The following NBEAL2 variants were observed in gnomAD, a reference collection of about 807,000 sequenced individuals.
NBEAL2 encodes neurobeachin like 2.
NBEAL2 carries 160 observed loss-of-function variants against 299.8 expected under a neutral mutation model. The ratio of observed to expected loss-of-function variants is 0.53; its 90% CI spans 0.47 to 0.61. The LOEUF (loss-of-function observed/expected upper bound fraction) is 0.61, where lower values mean the gene tolerates loss of function less well. Ranked by LOEUF, NBEAL2 falls within the 20% of genes least tolerant of loss-of-function variation. The pLI is 0.00. For synonymous variants in NBEAL2, 1,493 were observed against 1,542.3 expected (o/e 0.97, Z 0.75); for missense variants, 3,112 against 3,649.0 (o/e 0.85, Z 3.79).
intron 1 of NBEAL2, among the ~76,000 whole-genome samples, chr3:46,986,303 C>T (rs919492241): frequency 6.6e-6 from 1 of 152,136 alleles, no homozygotes; most frequent in East Asian, 1.9e-4. Context: ...GGGACCCACC[C>T]CTGTGCTGGG....
Position 46,998,956 on chromosome 3 carries a change from C to G in NBEAL2, c.3385-3C>G. 6.2e-7 allele frequency: 1 copy of G among 1,605,964 alleles called. No individual in the cohort carries two copies. Among genetic ancestry groups the G allele is most frequent in the Non-Finnish European group, 8.5e-7 (1 of 1,176,434 alleles). Reference sequence around the variant, plus strand: ...GACACAGTGTGAGACCCTGCATCCCCAGGCGGTGGGTGCGCTGGACCTGCT... The same window carrying G: ...GACACAGTGTGAGACCCTGCATCCCGAGGCGGTGGGTGCGCTGGACCTGCT... On this transcript the variant is annotated splice_region_variant and splice_polypyrimidine_tract_variant and intron_variant, in intron 23 of 53. Coordinates refer to ENST00000450053, the MANE Select transcript of NBEAL2 (RefSeq NM_015175.3).
chr3:46,998,165 C>T lies in NBEAL2; in HGVS notation c.3057C>T (p.Leu1019=). 6.2e-7 allele frequency: 1 copy of T among 1,607,636 alleles called. No homozygotes were observed. The highest frequency in any genetic ancestry group is 1.1e-5 in the South Asian group (1 of 89,786). The change falls in exon 21 of 54, where the codon CTC becomes CTT. Residue 1019 remains leucine (L), a synonymous_variant. Transcript: ENST00000450053. The stretch of plus-strand genomic sequence containing the variant: ...GCAGCGGGCCCCTCCTGTACCTACT[C>T]TACCAGCATTTGCTCTTCAACTTTC... ...AEGSGPLLYL[L]YQHLLFNFHL...
At chr3:46,993,227 G>A (rs575266065) in intron 10 of NBEAL2, among the ~76,000 whole-genome samples, 149 of 152,350 alleles carry the variant, frequency 9.8e-4, no homozygotes, top group African/African-American at 3.1e-3. Flanking sequence ...TACAGATGAG[G>A]ACACTGAGGC....
Position 47,004,370 on chromosome 3 carries a change from C to T in NBEAL2, c.6175C>T (p.Leu2059=). ...YLSSRSPQEM[L]RASGLTQKWV... ...AAGCAGCCGCTCCCCCCAGGAGATGCTGCGTGCCTCAGGCCTTACCCAGGT... is the reference window on the plus strand; with the variant it reads ...AAGCAGCCGCTCCCCCCAGGAGATGTTGCGTGCCTCAGGCCTTACCCAGGT... The change falls in exon 37 of 54, where the codon CTG becomes TTG. Residue 2059 remains leucine (L), a synonymous_variant. Transcript: ENST00000450053. The surrounding 1 kb of genome is among the most constrained non-coding windows in gnomAD (Gnocchi z 5.0). The T allele has an allele frequency of 6.3e-7, 1 of 1,596,494 alleles. No individual in the cohort carries two copies. The highest frequency in any genetic ancestry group is 8.5e-7 in the Non-Finnish European group (1 of 1,169,654).
chr3:47,000,598 A>G lies in NBEAL2; in HGVS notation c.4305+194A>G, dbSNP rs2036901730. Among the ~76,000 whole-genome samples the G allele has an allele frequency of 6.6e-6, 1 of 152,148 alleles. No individual in the cohort carries two copies. The highest frequency in any genetic ancestry group is 6.5e-5 in the Admixed American group (1 of 15,282). ...CCCAGAGGGCTCCTGGAACAGGGTG[A>G]GTCATGATGAGCCACAGTGGGTGAC... is the stretch of plus-strand genomic sequence containing the variant. On this transcript the variant is annotated intron_variant, in intron 27 of 53. Coordinates refer to ENST00000450053, the MANE Select transcript of NBEAL2 (RefSeq NM_015175.3). The surrounding 1 kb of genome is among the most constrained non-coding windows in gnomAD (Gnocchi z 4.5).
chr3:46,980,375 G>A (rs1380966251), intron 1 of NBEAL2, among the ~76,000 whole-genome samples: 1 of 152,148 alleles, frequency 6.6e-6, no homozygotes, highest in East Asian at 1.9e-4. Context: ...GTCTGGGGGT[G>A]TGGGCCAAGG....
At chr3:46,987,814 T>G (rs1003248199) in intron 1 of NBEAL2, among the ~76,000 whole-genome samples, 2 of 152,104 alleles carry the variant, frequency 1.3e-5, no homozygotes, top group Non-Finnish European at 2.9e-5. Context: ...CACCCCTCTG[T>G]AACAGGTCCC....
Position 46,991,725 on chromosome 3 carries a change from C to T in NBEAL2, c.925+37C>T, listed in dbSNP as rs1401390566. ...CTCCCAGGCTCTTGGGGAAGGGGCA[C>T]CATGAGGGAAAAGCCTAAGTGATGA... On this transcript the variant is annotated intron_variant, in intron 8 of 53. Coordinates refer to ENST00000450053, the MANE Select transcript of NBEAL2 (RefSeq NM_015175.3). The surrounding 1 kb of genome is among the most constrained non-coding windows in gnomAD (Gnocchi z 6.2). 3 of 1,579,006 alleles carry T rather than the reference C, an allele frequency of 1.9e-6. No homozygotes were observed. In the South Asian group the frequency reaches 3.4e-5, roughly 18 times the overall value.
chr3:46,985,061 C>T (rs541207366), intron 1 of NBEAL2, among the ~76,000 whole-genome samples: 2 of 152,318 alleles, frequency 1.3e-5, no homozygotes, highest in African/African-American at 4.8e-5. Flanking sequence ...AGGCACCAGA[C>T]AGGAATGGGT....
intron 9 of NBEAL2, 95 bp from the exon 10 acceptor site, chr3:46,992,380 G>A: frequency 8.5e-7 from 1 of 1,182,124 alleles, no homozygotes; most frequent in East Asian, 2.5e-5. Context: ...AGGGCACCTG[G>A]CAGCTGCCCC....
rs1391684990 is a variant in NBEAL2 at position 47,000,327 on chromosome 3, T to C, written c.4228T>C (p.Ser1410Pro). 1.2e-6 allele frequency: 2 copies of C among 1,609,172 alleles called. No homozygotes were observed. Among genetic ancestry groups the C allele is most frequent in the African/African-American group, 1.3e-5 (1 of 74,926 alleles). The change falls in exon 27 of 54, where the codon TCC becomes CCC. Residue 1410 changes from serine (S) to proline (P), a missense_variant. Ser to Pro is a moderately conservative substitution (Grantham distance 74). This residue lies in a region of NBEAL2 where 2,243 missense variants were observed against 2,538.1 expected (regional missense o/e 0.88). Coordinates refer to ENST00000450053, the MANE Select transcript of NBEAL2 (RefSeq NM_015175.3). The surrounding 1 kb of genome is among the most constrained non-coding windows in gnomAD (Gnocchi z 4.5). ...AAPGRHSSSL[S>P]NVLEDGSLPE... ...TCCTGGCCGCCACAGCTCCAGTCTC[T>C]CCAATGTGCTGGAGGACGGCAGCCT... is the stretch of plus-strand genomic sequence containing the variant.
chr3:47,009,016 C>T lies in NBEAL2; in HGVS notation c.8055C>T (p.Pro2685=). 1 of 1,600,530 alleles carries T rather than the reference C, an allele frequency of 6.2e-7. No individual in the cohort carries two copies. The highest frequency in any genetic ancestry group is 8.5e-7 in the Non-Finnish European group (1 of 1,179,824). Residue 2685 remains proline (P), a synonymous_variant, in exon 53 of 54, where the codon CCC becomes CCT. Coordinates refer to ENST00000450053, the MANE Select transcript of NBEAL2 (RefSeq NM_015175.3). ...NTLLPAAPPL[P]MKVAIRSVAV... ...TGCTCCCGGCCGCGCCTCCCTTGCC[C>T]ATGAAGGTGGCCATCCGCAGCGTGG...
chr3:47,001,333 G>T lies in NBEAL2; in HGVS notation c.4539G>T (p.Val1513=), dbSNP rs2036971883. 1.2e-6 allele frequency: 2 copies of T among 1,613,024 alleles called. No homozygotes were observed. Among genetic ancestry groups the T allele is most frequent in the South Asian group, 1.1e-5 (1 of 91,078 alleles). The stretch of plus-strand genomic sequence containing the variant: ...TGACCGACATCAAAGAGGCCCCCGT[G>T]GGGGTCCTGGCCAGCCTCACCCAGC... The part of the protein sequence containing the change: ...SALTDIKEAP[V]GVLASLTQQA... Residue 1513 remains valine, a synonymous_variant, in exon 29 of 54, where the codon GTG becomes GTT. Coordinates refer to ENST00000450053, the MANE Select transcript of NBEAL2 (RefSeq NM_015175.3). The surrounding 1 kb of genome is among the most constrained non-coding windows in gnomAD (Gnocchi z 6.1).
rs1056171842 is a variant in NBEAL2 at position 46,987,943 on chromosome 3, T to C, written c.52-726T>C. 4 of 1,236,890 alleles carry C rather than the reference T, an allele frequency of 3.2e-6. No individual in the cohort carries two copies. In the African/African-American group the frequency reaches 4.7e-5, roughly 15 times the overall value. The allele number at this position is 1,236,890 out of a possible 1,614,324, so 76.6% of individuals were successfully genotyped here. A position where few individuals can be genotyped will look rare whatever the true frequency, so the allele number is the denominator to read the frequency against. ...CGGTCCCCCTCCCCCACCGTGACTC[T>C]GCGCTTCCTGCCCCAGCCCCGGGGC... On this transcript the variant is annotated intron_variant, in intron 1 of 53. Transcript: ENST00000450053.
chr3:47,008,430 C>G lies in NBEAL2; in HGVS notation c.7867C>G (p.Pro2623Ala), dbSNP rs1373400692. ...GGTACAGAGCTCAGCGTGGGAACGT[C>G]CTGGGGCCCAGGTATGGGGAAGGGG... ...IVVQSSAWER[P>A]GAQVTYSLHL... Residue 2623 changes from proline to alanine, a missense_variant, in exon 51 of 54, where the codon CCT (proline) becomes GCT (alanine). Pro to Ala is a conservative substitution (Grantham distance 27). Around this residue, in one of 3 missense-constraint regions of NBEAL2, gnomAD observed 348 missense variants for 381.4 expected, o/e 0.91. Coordinates refer to ENST00000450053, the MANE Select transcript of NBEAL2 (RefSeq NM_015175.3). 6 of 1,612,294 alleles carry G rather than the reference C, an allele frequency of 3.7e-6. No homozygotes were observed. Among genetic ancestry groups the G allele is most frequent in the Non-Finnish European group, 4.2e-6 (5 of 1,178,542 alleles).
rs371538211 is a variant in NBEAL2 at position 46,997,295 on chromosome 3, C to T, written c.2686C>T (p.Leu896=). 4 of 1,612,898 alleles carry T rather than the reference C, an allele frequency of 2.5e-6. No individual in the cohort carries two copies. The highest frequency in any genetic ancestry group is 3.4e-6 in the Non-Finnish European group (4 of 1,179,856). The change falls in exon 19 of 54, where the codon CTG becomes TTG. Residue 896 remains leucine, a synonymous_variant. Transcript: ENST00000450053. ...VNCVGGMGAL[L]PLLERVAAQP... is the part of the protein sequence containing the mutation. ...CTGCGTTGGGGGTATGGGTGCCCTG[C>T]TGCCCCTGCTGGAGCGAGTAGCTGC...
chr3:47,009,150 G>GGGGGGGGGCCGC, intron 53 of NBEAL2, 26 bp downstream of exon 53: 1 of 1,350,712 alleles, frequency 7.4e-7, no homozygotes, highest in Non-Finnish European at 1.0e-6. Context: ...GGGTGGGGAG[G>GGGGGGGGGCCGC]CCCCTCGAAC....
At chr3:46,993,859 CA>C in intron 10 of NBEAL2, 77 bp from the exon 11 acceptor site, 1 of 1,340,250 alleles carries the variant, frequency 7.5e-7, no homozygotes, top group South Asian at 1.3e-5. Flanking sequence ...CTTGGCTCTG[CA>C]CCTTTTTTAC....
intron 10 of NBEAL2, among the ~76,000 whole-genome samples, chr3:46,993,361 T>C (rs2107324154): frequency 6.6e-6 from 1 of 152,250 alleles, no homozygotes; most frequent in Admixed American, 6.5e-5. Flanking sequence ...TCCCAACCCC[T>C]GACCCCCTCA....
Sources: gnomAD v4.1 joint callset for allele counts (sites outside exome capture counted in the v4.1 genomes callset) on GRCh38, gnomAD v4.1.1 for gene constraint, gnomAD v4.1.1 regional missense constraint, Gnocchi (gnomAD v3.1) non-coding constraint, MANE v1.5 for transcripts, NCBI Gene and HGNC (gene_info 2026-07-23, HGNC 2026-07-21) for gene names.